ZNF536: variants seen among roughly 807,000 people sequenced by gnomAD.
ZNF536 encodes the protein zinc finger protein 536.
Under a neutral mutation model 84.5 loss-of-function variants are expected in ZNF536, and 13 were observed. That is an observed-to-expected ratio of 0.15 (90% CI 0.10 to 0.24). The LOEUF (loss-of-function observed/expected upper bound fraction) is 0.24, where lower values mean the gene tolerates loss of function less well. Among genes scored for constraint, ZNF536 ranks in the 10% least tolerant of loss-of-function variants. The pLI, the probability that ZNF536 is intolerant of heterozygous loss-of-function variation, is 1.00. For missense variants in ZNF536, 1,536 were observed against 1,747.5 expected (o/e 0.88, Z 2.16); for synonymous variants, 811 against 742.5 (o/e 1.09, Z -1.50).
intron 1 of ZNF536, among the ~76,000 whole-genome samples, chr19:30,597,536 G>A (rs1360135985): frequency 6.6e-6 from 1 of 152,152 alleles, no homozygotes; most frequent in African/African-American, 2.4e-5. Flanking sequence ...ACACACGAAG[G>A]CATAGTAGGG....
chr19:30,604,949 G>T (rs1003655801), intron 1 of ZNF536, among the ~76,000 whole-genome samples: 6 of 152,314 alleles, frequency 3.9e-5, no homozygotes, highest in Admixed American at 3.3e-4. Context: ...AGCAGGTTTT[G>T]CAGGCACAAG....
chr19:30,519,034 G>T (rs966585810), intron 2 of ZNF536, among the ~76,000 whole-genome samples: 2 of 152,246 alleles, frequency 1.3e-5, no homozygotes, highest in African/African-American at 4.8e-5. Context: ...CATCTGGGCG[G>T]ACTTTCTCCT....
chr19:30,526,743 A>G (rs1599695226), intron 2 of ZNF536, among the ~76,000 whole-genome samples: 1 of 124,614 alleles, frequency 8.0e-6, no homozygotes, highest in South Asian at 2.2e-4. Context: ...AAAAAAAAAA[A>G]AAGAACGGGT....
intron 2 of ZNF536, among the ~76,000 whole-genome samples, chr19:30,326,939 C>T (rs2047059546): frequency 1.3e-5 from 2 of 151,064 alleles, no homozygotes; most frequent in Non-Finnish European, 2.9e-5. Flanking sequence ...GAGACACCAT[C>T]TCTACAAAAA....
chr19:30,677,134 T>G (rs2050781572), intron 1 of ZNF536, among the ~76,000 whole-genome samples: 1 of 152,232 alleles, frequency 6.6e-6, no homozygotes, highest in Non-Finnish European at 1.5e-5. Context: ...AATGTATACC[T>G]TGGCTCATAC....
downstream of ZNF536, among the ~76,000 whole-genome samples, chr19:30,558,532 T>C (rs577404875): frequency 2.0e-4 from 31 of 152,200 alleles, no homozygotes; most frequent in Non-Finnish European, 4.0e-4. Context: ...TAGTTTGTAA[T>C]GAAGAGACTC....
intron 1 of ZNF536, among the ~76,000 whole-genome samples, chr19:30,426,527 C>G (rs2051221241): frequency 6.6e-6 from 1 of 152,186 alleles, no homozygotes; most frequent in Non-Finnish European, 1.5e-5. Flanking sequence ...GTCCTTGGTC[C>G]TGAGTGCACT....
intron 2 of ZNF536, among the ~76,000 whole-genome samples, chr19:30,489,686 T>A (rs1180467702): frequency 1.3e-5 from 2 of 152,210 alleles, no homozygotes; most frequent in Admixed American, 6.5e-5. Flanking sequence ...TTGTTTATAT[T>A]CGAATAATAC....
chr19:30,389,776 C>T (rs1274510065), intron 1 of ZNF536, among the ~76,000 whole-genome samples: 1 of 152,148 alleles, frequency 6.6e-6, no homozygotes, highest in Non-Finnish European at 1.5e-5. Context: ...TCCTGCTGGC[C>T]CAAGCAGATA....
intron 1 of ZNF536, among the ~76,000 whole-genome samples, chr19:30,395,568 C>T (rs529607745): frequency 3.3e-5 from 5 of 152,280 alleles, no homozygotes; most frequent in South Asian, 2.1e-4. Context: ...CCATATGTTG[C>T]GCCTAAATGT....
intron 2 of ZNF536, among the ~76,000 whole-genome samples, chr19:30,468,968 C>A (rs1336131640): frequency 6.6e-6 from 1 of 152,098 alleles, no homozygotes; most frequent in Non-Finnish European, 1.5e-5. Context: ...CCCCTCCAGG[C>A]CTCCTGGGGC....
At chr19:30,232,158 G>A (rs984674535) in intron 1 of ZNF536, among the ~76,000 whole-genome samples, 4 of 152,128 alleles carry the variant, frequency 2.6e-5, no homozygotes, top group Non-Finnish European at 5.9e-5. Context: ...GGGCGTGGGG[G>A]CCTCCCCCGG....
intron 3 of ZNF536, among the ~76,000 whole-genome samples, chr19:30,355,744 C>A (rs1263264954): frequency 6.6e-6 from 1 of 152,086 alleles, no homozygotes; most frequent in Non-Finnish European, 1.5e-5. Context: ...AGCTCCACCT[C>A]CTGTCAGTGG....
At chr19:30,225,651 C>A (rs1287833419), upstream of ZNF536, among the ~76,000 whole-genome samples, 1 of 150,380 alleles carries the variant, frequency 6.6e-6, no homozygotes. Context: ...GCTCCTGACG[C>A]CCGCGTTTCA....
chr19:30,306,446 A>G (rs1383970397), intron 2 of ZNF536, among the ~76,000 whole-genome samples: 1 of 152,160 alleles, frequency 6.6e-6, no homozygotes, highest in Non-Finnish European at 1.5e-5. Context: ...ATCAAAATGT[A>G]TGTGTATGTC....
intron 1 of ZNF536, among the ~76,000 whole-genome samples, chr19:30,280,633 G>A (rs2045408205): frequency 6.6e-6 from 1 of 152,232 alleles, no homozygotes. Context: ...TGGCCTGGAG[G>A]ACCGCTCTGT....
intron 2 of ZNF536, among the ~76,000 whole-genome samples, chr19:30,343,480 T>G (rs773410274): frequency 2.0e-5 from 3 of 152,158 alleles, no homozygotes; most frequent in Non-Finnish European, 4.4e-5. Flanking sequence ...GGCCTTGACC[T>G]GGGTGAGGCT....
intron 2 of ZNF536, among the ~76,000 whole-genome samples, chr19:30,494,137 A>G (rs906632679): frequency 6.6e-6 from 1 of 152,254 alleles, no homozygotes; most frequent in African/African-American, 2.4e-5. Flanking sequence ...ATGTAGAAAC[A>G]TTGCTTAGAA....
chr19:30,698,931 T>A (rs1051437437), intron 1 of ZNF536, among the ~76,000 whole-genome samples: 5 of 152,242 alleles, frequency 3.3e-5, no homozygotes, highest in Admixed American at 2.6e-4. Context: ...CCCCCTGTAT[T>A]TATTGATGCA....
Sources: gnomAD v4.1 joint callset for allele counts (sites outside exome capture counted in the v4.1 genomes callset) on GRCh38, gnomAD v4.1.1 for gene constraint, MANE v1.5 for transcripts, NCBI Gene and HGNC (gene_info 2026-07-23, HGNC 2026-07-21) for gene names.